Variants in JAKMIP3 observed in about 807,000 individuals in gnomAD.
JAKMIP3 encodes the protein Janus kinase and microtubule interacting protein 3.
In JAKMIP3, 58 loss-of-function variants were observed where a neutral mutation model predicts 118.5. The ratio of observed to expected loss-of-function variants is 0.49; its 90% confidence interval spans 0.40 to 0.61. The LOEUF is 0.61. Among genes scored for constraint, JAKMIP3 ranks in the 20% least tolerant of loss-of-function variants. The pLI is 0.00. For synonymous variants in JAKMIP3, 486 were observed against 451.2 expected (o/e 1.08, Z -0.98); for missense variants, 950 against 1,109.0 (o/e 0.86, Z 2.04).
chr10:132,140,864 G>C (rs2053376313), intron 10 of JAKMIP3, among the ~76,000 whole-genome samples: 1 of 152,200 alleles, frequency 6.6e-6, no homozygotes, highest in African/African-American at 2.4e-5. Flanking sequence ...TTCTGCCACT[G>C]AGCCTACGCC....
chr10:132,042,828 C>A (rs2037801976), intron 1 of JAKMIP3, among the ~76,000 whole-genome samples: 1 of 151,870 alleles, frequency 6.6e-6, no homozygotes, highest in South Asian at 2.1e-4. Flanking sequence ...TTGGCTGGTC[C>A]TATAAAAGGC....
intron 19 of JAKMIP3, 61 bp downstream of exon 19, chr10:132,154,051 G>GCTCAGGTGCCCAGCAGTGC: frequency 1.3e-6 from 2 of 1,513,938 alleles, no homozygotes; most frequent in Non-Finnish European, 1.8e-6. Context: ...CGGCCACGTG[G>GCTCAGGTGCCCAGCAGTGC]CTCAGGTGCC....
chr10:132,167,628 C>T (rs756600899), intron 22 of JAKMIP3, among the ~76,000 whole-genome samples: 9 of 152,260 alleles, frequency 5.9e-5, no homozygotes, highest in South Asian at 2.1e-4. Flanking sequence ...GCAAGTAGGA[C>T]GTCACATCAT....
chr10:132,170,436 G>T (rs1346636964), intron 23 of JAKMIP3, among the ~76,000 whole-genome samples: 2 of 152,152 alleles, frequency 1.3e-5, no homozygotes. Flanking sequence ...GGGGCAGGTG[G>T]ACCATCCAGG....
At chr10:132,146,810 A>G (rs2054708719) in intron 13 of JAKMIP3, among the ~76,000 whole-genome samples, 1 of 152,324 alleles carries the variant, frequency 6.6e-6, no homozygotes, top group East Asian at 1.9e-4. Flanking sequence ...CCGTGGACAC[A>G]CGGAACATCT....
At chr10:132,074,351 C>T (rs1278776340) in intron 1 of JAKMIP3, among the ~76,000 whole-genome samples, 1 of 152,106 alleles carries the variant, frequency 6.6e-6, no homozygotes, top group Non-Finnish European at 1.5e-5. Context: ...GGCACCTGGC[C>T]CCATTTTTTG....
chr10:132,054,101 A>G (rs1209736865), intron 1 of JAKMIP3, among the ~76,000 whole-genome samples: 1 of 151,462 alleles, frequency 6.6e-6, no homozygotes, highest in Non-Finnish European at 1.5e-5. Context: ...TGGGGCTACC[A>G]CGTCAGTTTT....
At position 132,153,126 on chromosome 10, in the gene JAKMIP3, C is replaced by T. The variant is rs545710735; in HGVS notation, c.2073+103C>T. The T allele has an allele frequency of 8.8e-5, 84 of 955,942 alleles. 2 individuals are homozygous for T. Among genetic ancestry groups the T allele is most frequent in the South Asian group, 6.0e-4 (42 of 69,926 alleles). The allele number at this position is 955,942 out of a possible 1,614,324, so 59.2% of individuals were successfully genotyped here. On this transcript the variant is annotated intron_variant, in intron 17 of 23. Coordinates refer to ENST00000684848, the MANE Select transcript of JAKMIP3 (RefSeq NM_001323087.2). ...ATCTCGGGAGGAGGGCCTGCAGGGC[C>T]GGGTTTGGGGGGTCCACTAAGCCCC...
intron 1 of JAKMIP3, among the ~76,000 whole-genome samples, chr10:132,041,900 C>G (rs954163817): frequency 6.7e-6 from 1 of 149,216 alleles, no homozygotes; most frequent in African/African-American, 2.5e-5. Context: ...AAGTTTTGCT[C>G]TTGTTGCCCA....
chr10:132,124,094 A>G (rs1035681258), intron 3 of JAKMIP3, among the ~76,000 whole-genome samples: 4 of 152,238 alleles, frequency 2.6e-5, no homozygotes, highest in African/African-American at 9.6e-5. Context: ...ACGTCTACAG[A>G]GAATGGGCTC....
At chr10:132,087,352 T>G (rs1007244026) in intron 1 of JAKMIP3, among the ~76,000 whole-genome samples, 1 of 152,254 alleles carries the variant, frequency 6.6e-6, no homozygotes, top group Middle Eastern at 3.4e-3. Flanking sequence ...GATGATCTTT[T>G]GGGGATGAAT....
intron 1 of JAKMIP3, among the ~76,000 whole-genome samples, chr10:132,098,389 C>T (rs1463386598): frequency 4.6e-5 from 7 of 152,154 alleles, no homozygotes; most frequent in Admixed American, 2.0e-4. Context: ...ACTGATGGCT[C>T]ACTGTCACCG....
At chr10:132,054,233 G>A (rs557228880) in intron 1 of JAKMIP3, among the ~76,000 whole-genome samples, 3 of 152,158 alleles carry the variant, frequency 2.0e-5, no homozygotes, top group Admixed American at 1.3e-4. Flanking sequence ...ACTGTGGCTC[G>A]GAGGAGCTGG....
intron 19 of JAKMIP3, among the ~76,000 whole-genome samples, chr10:132,159,666 GGGGGGTCCTCTCCCTA>G (rs2057717685): frequency 1.0e-5 from 1 of 97,500 alleles, no homozygotes; most frequent in Non-Finnish European, 2.2e-5. Context: ...GTGTGATGCT[GGGGGGTCCTCTCCCTA>G]TGTGATGCTC....
At chr10:132,081,759 G>A (rs915046093) in intron 1 of JAKMIP3, among the ~76,000 whole-genome samples, 8 of 152,016 alleles carry the variant, frequency 5.3e-5, no homozygotes, top group African/African-American at 7.3e-5. Flanking sequence ...TGGCCTTTCC[G>A]AGGAGTCTTG....
At chr10:132,164,789 C>A in intron 21 of JAKMIP3, 54 bp downstream of exon 21, 1 of 1,223,992 alleles carries the variant, frequency 8.2e-7, no homozygotes, top group Non-Finnish European at 1.2e-6. Flanking sequence ...GAGAGGAACC[C>A]GGTGTCACCC....
intron 1 of JAKMIP3, among the ~76,000 whole-genome samples, chr10:132,090,104 A>G (rs2042914338): frequency 6.6e-6 from 1 of 152,128 alleles, no homozygotes; most frequent in African/African-American, 2.4e-5. Context: ...TGCTGGATTC[A>G]GTTTGCCAGT....
At chr10:132,153,684 T>C in intron 17 of JAKMIP3, 75 bp from the exon 18 acceptor site, 1 of 1,429,202 alleles carries the variant, frequency 7.0e-7, no homozygotes, top group Non-Finnish European at 9.9e-7. Flanking sequence ...GTCCTGGCTT[T>C]TCTCCCAGCT....
chr10:132,143,506 G>C (rs1329283478), intron 11 of JAKMIP3, among the ~76,000 whole-genome samples: 1 of 152,106 alleles, frequency 6.6e-6, no homozygotes, highest in East Asian at 1.9e-4. Context: ...AAAGAACTCA[G>C]AAGCTTTGCT....
Sources: gnomAD v4.1 joint callset for allele counts (sites outside exome capture counted in the v4.1 genomes callset) on GRCh38, gnomAD v4.1.1 for gene constraint, MANE v1.5 for transcripts, NCBI Gene and HGNC (gene_info 2026-07-23, HGNC 2026-07-21) for gene names.